The following NECAB3 variants were observed in gnomAD, a reference collection of about 807,000 sequenced individuals.
The protein encoded by NECAB3 is N-terminal EF-hand calcium-binding protein 3.
In NECAB3, 38 loss-of-function variants were observed where a neutral mutation model predicts 57.2. The observed-to-expected ratio is 0.66, with a 90% CI of 0.51 to 0.87. The LOEUF is 0.87. Ranked by LOEUF, NECAB3 falls within the 40% of genes least tolerant of loss-of-function variation. The pLI, the probability that NECAB3 is intolerant of heterozygous loss-of-function variation, is 0.00. For missense variants in NECAB3, 474 were observed against 527.5 expected, an observed-to-expected ratio of 0.90 and a Z score of 0.99; for synonymous variants, 223 against 222.6, an observed-to-expected ratio of 1.00 and a Z score of -0.02.
At chr20:33,672,836 G>A (rs1419779927) in intron 1 of NECAB3, among the ~76,000 whole-genome samples, 2 of 152,146 alleles carry the variant, frequency 1.3e-5, no homozygotes, top group Admixed American at 1.3e-4. Flanking sequence ...CCTGAGCCCC[G>A]AGCTCTGCTG....
chr20:33,662,374 C>A (rs768068117), intron 5 of NECAB3: 550 of 1,551,328 alleles, frequency 3.5e-4, no homozygotes, highest in Non-Finnish European at 4.6e-4. Context: ...CACAAAAGGA[C>A]CAAAGCACCC....
rs1322807589 is a variant in NECAB3 at position 33,663,967 on chromosome 20, C to T, written c.388-3572G>A. On this transcript the variant is annotated intron_variant, in intron 5 of 11. Coordinates refer to ENST00000246190, the MANE Select transcript of NECAB3 (RefSeq NM_031232.4). The stretch of plus-strand genomic sequence containing the variant: ...GGGCGCGGAGTCGGGGTGGGCAAAG[C>T]TCAGCCTAGGAGCCGCAGAGGGGTG... 1.2e-5 allele frequency: 13 copies of T among 1,107,832 alleles called. No individual in the cohort carries two copies. In the Admixed American group the frequency reaches 3.5e-4, roughly 30 times the overall value. 68.6% of individuals were successfully genotyped at this position (1,107,832 alleles called of 1,614,324 possible). A position where few individuals can be genotyped will look rare whatever the true frequency, so the allele number is the denominator to read the frequency against.
intron 10 of NECAB3, 121 bp downstream of exon 10, chr20:33,658,356 C>T: frequency 9.9e-7 from 1 of 1,011,714 alleles, no homozygotes; most frequent in Non-Finnish European, 1.5e-6. Flanking sequence ...GGGGCTCGGG[C>T]AGGTGGGGTC....
At chr20:33,673,015 G>C (rs970065525) in intron 1 of NECAB3, among the ~76,000 whole-genome samples, 26 of 152,286 alleles carry the variant, frequency 1.7e-4, no homozygotes, top group African/African-American at 6.3e-4. Flanking sequence ...GCTTCCTATG[G>C]GGCTGACTCT....
chr20:33,657,703 A>T lies in NECAB3; in HGVS notation c.*126T>A. ...CCCAGTCCCTGATCCCTGGGCTGAG[A>T]GCCCTTCCACCAGGCCCAAGTCCAG... On this transcript the variant is annotated 3_prime_UTR_variant, in exon 12 of 12. Coordinates refer to ENST00000246190, the MANE Select transcript of NECAB3 (RefSeq NM_031232.4). 1.1e-6 allele frequency: 1 copy of T among 937,540 alleles called. No homozygotes were observed. The highest frequency in any genetic ancestry group is 1.6e-6 in the Non-Finnish European group (1 of 641,192). 58.1% of individuals were successfully genotyped at this position (937,540 alleles called of 1,614,324 possible).
chr20:33,664,523 C>T (rs542068479), intron 5 of NECAB3: 2 of 168,130 alleles, frequency 1.2e-5, no homozygotes, highest in Non-Finnish European at 2.6e-5. Context: ...TCCTTCCCCA[C>T]GTGACAAAGA....
chr20:33,660,074 A>G lies in NECAB3; in HGVS notation c.525-71T>C. 1 of 1,528,536 alleles carries G rather than the reference A, an allele frequency of 6.5e-7. No individual in the cohort carries two copies. Among genetic ancestry groups the G allele is most frequent in the East Asian group, 2.3e-5 (1 of 42,856 alleles). The allele number at this position is 1,528,536 out of a possible 1,614,324, so 94.7% of individuals were successfully genotyped here. Reference sequence around the variant, plus strand: ...CGGGATAAGCCTGGGTGGGGAAGACAAGCCTCCTGGGACTCCGAGGCCTAG... The same window carrying G: ...CGGGATAAGCCTGGGTGGGGAAGACGAGCCTCCTGGGACTCCGAGGCCTAG... On this transcript the variant is annotated intron_variant, in intron 6 of 11. Transcript: ENST00000246190. This position sits in a 1 kb window ranked among gnomAD's most constrained non-coding sequence, Gnocchi z 4.1.
At position 33,662,600 on chromosome 20, in the gene NECAB3, AT is replaced by A. The variant is rs2017516059; in HGVS notation, c.388-2206del. On this transcript the variant is annotated intron_variant, in intron 5 of 11. Coordinates refer to ENST00000246190, the MANE Select transcript of NECAB3 (RefSeq NM_031232.4). ...AGAAGTCCTAGGGGGTGAGGGAGGA[AT>A]TCGAAAATCTCTCCCAAGGATGAGG... is the stretch of plus-strand genomic sequence containing the variant. 2.4e-5 allele frequency: 26 copies of A among 1,092,010 alleles called. No individual in the cohort carries two copies. In the South Asian group the frequency reaches 3.9e-4, roughly 16 times the overall value. 67.6% of individuals were successfully genotyped at this position (1,092,010 alleles called of 1,614,324 possible).
intron 5 of NECAB3, chr20:33,663,482 G>T: frequency 6.4e-7 from 1 of 1,557,338 alleles, no homozygotes. Flanking sequence ...CCGGGTCGTG[G>T]GCTCGGCCCT....
intron 5 of NECAB3, chr20:33,666,731 G>C (rs1448018566): frequency 6.6e-6 from 1 of 152,474 alleles, no homozygotes; most frequent in African/African-American, 2.4e-5. Context: ...CGTGGAGCCT[G>C]AAGCCCGGCG....
rs763709118 is a variant in NECAB3 at position 33,667,721 on chromosome 20, A to G, written c.387+1654T>C. The G allele has an allele frequency of 2.5e-5, 41 of 1,612,062 alleles. No homozygotes were observed. The East Asian group carries it at 8.7e-4, about 34-fold the overall frequency. On this transcript the variant is annotated intron_variant, in intron 5 of 11. Transcript: ENST00000246190. ...CTCTTGCAGCAGGCCCTGCCCCGCAAGGCCATCACACATCTCAAGAAGCGC... is the reference window on the plus strand; with the variant it reads ...CTCTTGCAGCAGGCCCTGCCCCGCAGGGCCATCACACATCTCAAGAAGCGC...
Position 33,657,524 on chromosome 20 carries a change from G to T in NECAB3, c.*305C>A. Reference sequence around the variant, plus strand: ...GCCTGAGGCCCACCCAGACAGGGACGGGACCTGCCCTGGGTCGCTCAGCCA... The same window carrying T: ...GCCTGAGGCCCACCCAGACAGGGACTGGACCTGCCCTGGGTCGCTCAGCCA... On this transcript the variant is annotated 3_prime_UTR_variant, in exon 12 of 12. Transcript: ENST00000246190. 2.8e-6 allele frequency: 1 copy of T among 360,292 alleles called. No homozygotes were observed. 22.3% of individuals were successfully genotyped at this position (360,292 alleles called of 1,614,324 possible).
chr20:33,663,909 C>T, intron 5 of NECAB3: 1 of 1,358,164 alleles, frequency 7.4e-7, no homozygotes, highest in Non-Finnish European at 9.4e-7. Flanking sequence ...TGCGTGGCAA[C>T]CCTGGCGCCT....
intron 10 of NECAB3, 25 bp from the exon 11 acceptor site, chr20:33,658,058 C>A: frequency 6.5e-7 from 1 of 1,544,638 alleles, no homozygotes; most frequent in Non-Finnish European, 8.7e-7. Context: ...GCTACAGTGA[C>A]CTCGCTCTCC....
chr20:33,663,660 A>T lies in NECAB3; in HGVS notation c.388-3265T>A, dbSNP rs1309519999. ...CACCCAGATTGCGCGGAGCGGGCGAAGGTAGCGAGCGCGAGCCGAGGATGC... is the reference window on the plus strand; with the variant it reads ...CACCCAGATTGCGCGGAGCGGGCGATGGTAGCGAGCGCGAGCCGAGGATGC... On this transcript the variant is annotated intron_variant, in intron 5 of 11. Transcript: ENST00000246190. The T allele has an allele frequency of 5.7e-6, 9 of 1,588,286 alleles. No homozygotes were observed. The South Asian group carries it at 7.8e-5, about 14-fold the overall frequency.
At chr20:33,674,144 G>A (rs1181974772) in intron 1 of NECAB3, 80 bp downstream of exon 1, 5 of 1,210,220 alleles carry the variant, frequency 4.1e-6, no homozygotes, top group Admixed American at 4.0e-5. Flanking sequence ...AACAGCGGCG[G>A]GGCCCGAACA....
At chr20:33,672,563 T>G (rs2017850236) in intron 1 of NECAB3, 141 bp from the exon 2 acceptor site, 1 of 935,472 alleles carries the variant, frequency 1.1e-6, no homozygotes, top group Non-Finnish European at 1.7e-6. Flanking sequence ...CCAAACCACC[T>G]GCCCAGCTCA....
rs199763056 is a variant in NECAB3, at chr20:33,663,757, T to C, written c.388-3362A>G. The C allele has an allele frequency of 2.7e-4, 397 of 1,460,112 alleles. 1 individual carries two copies. In the African/African-American group the frequency reaches 5.2e-3, roughly 19 times the overall value. The allele number at this position is 1,460,112 out of a possible 1,614,324, so 90.4% of individuals were successfully genotyped here. A position where few individuals can be genotyped will look rare whatever the true frequency, so the allele number is the denominator to read the frequency against. ...GGGCGGGGCCAGGGCAGCTCTGAGCTGGCCGCGGCTGCTCTCGCGCTTCCG... is the reference window on the plus strand; with the variant it reads ...GGGCGGGGCCAGGGCAGCTCTGAGCCGGCCGCGGCTGCTCTCGCGCTTCCG... On this transcript the variant is annotated intron_variant, in intron 5 of 11. Transcript: ENST00000246190.
In NECAB3 at chr20:33,660,169, C is replaced by T. The variant is rs2017420488; in HGVS notation, c.524+90G>A. 3 of 1,557,584 alleles carry T rather than the reference C, an allele frequency of 1.9e-6. No individual in the cohort carries two copies. In the Admixed American group the frequency reaches 5.4e-5, roughly 28 times the overall value. On this transcript the variant is annotated intron_variant, in intron 6 of 11. Coordinates refer to ENST00000246190, the MANE Select transcript of NECAB3 (RefSeq NM_031232.4). The surrounding 1 kb of genome is among the most constrained non-coding windows in gnomAD (Gnocchi z 4.1). ...TGGCTTCCCCGCCCGAAAATGCAGG[C>T]TCCAGGATGCTGGGACTGTGGGGAT...
Sources: allele counts gnomAD v4.1 joint callset (sites outside exome capture counted in the v4.1 genomes callset), GRCh38; gene constraint gnomAD v4.1.1; non-coding constraint Gnocchi (gnomAD v3.1); transcripts MANE v1.5; gene names NCBI Gene and HGNC (gene_info 2026-07-23, HGNC 2026-07-21).